The following COG6 variants were observed in gnomAD, a reference collection of about 807,000 sequenced individuals.
COG6 encodes the protein conserved oligomeric Golgi complex subunit 6.
In COG6, 74 loss-of-function variants were observed where a neutral mutation model predicts 88.8. The observed-to-expected ratio is 0.83, with a 90% CI of 0.69 to 1.01. The LOEUF (loss-of-function observed/expected upper bound fraction) is 1.01, where lower values mean the gene tolerates loss of function less well. Ranked by LOEUF, COG6 falls within the 50% of genes least tolerant of loss-of-function variation. The pLI, the probability that COG6 is intolerant of heterozygous loss-of-function variation, is 0.00. For synonymous variants in COG6, 286 were observed against 278.7 expected (o/e 1.03, Z -0.26); for missense variants, 800 against 797.9 (o/e 1.00, Z -0.03).
intron 1 of COG6, among the ~76,000 whole-genome samples, chr13:39,656,625 T>C (rs914482487): frequency 1.3e-5 from 2 of 152,084 alleles, no homozygotes; most frequent in East Asian, 3.9e-4. Flanking sequence ...ATGTCAAAGT[T>C]AGAGAGTTTT....
intron 18 of COG6, among the ~76,000 whole-genome samples, chr13:39,777,023 T>C (rs1881484044): frequency 6.6e-6 from 1 of 152,194 alleles, no homozygotes; most frequent in Non-Finnish European, 1.5e-5. Flanking sequence ...GAAGTAACAA[T>C]TGGTTCCATC....
At chr13:39,753,906 G>C (rs1880747456), downstream of COG6, among the ~76,000 whole-genome samples, 1 of 151,926 alleles carries the variant, frequency 6.6e-6, no homozygotes, top group African/African-American at 2.4e-5. Context: ...TTCTCATTCT[G>C]TCTTTAAAGT....
chr13:39,656,108 C>T, intron 1 of COG6: 1 of 678,118 alleles, frequency 1.5e-6, no homozygotes, highest in Non-Finnish European at 2.7e-6. Context: ...GTTCTCTCCA[C>T]CTGAAAAGGT....
chr13:39,769,372 T>C (rs1286560322), intron 18 of COG6, among the ~76,000 whole-genome samples: 1 of 152,228 alleles, frequency 6.6e-6, no homozygotes, highest in Non-Finnish European at 1.5e-5. Context: ...TACCATGTTC[T>C]GTGTCCCATG....
In COG6 at chr13:39,694,726, G is replaced by A. The variant is rs1453865021; in HGVS notation, c.1166+1G>A. Reference sequence around the variant, plus strand: ...TCAAATTTTATCACCATACAATCAGGTAAGTAGAATGGCAAAATGTGCTTG... The same window carrying A: ...TCAAATTTTATCACCATACAATCAGATAAGTAGAATGGCAAAATGTGCTTG... On this transcript the variant is annotated splice_donor_variant, in intron 12 of 18. Coordinates refer to ENST00000455146, the MANE Select transcript of COG6 (RefSeq NM_020751.3). LOFTEE classifies it high-confidence loss of function. 1.1e-5 allele frequency: 17 copies of A among 1,498,292 alleles called. No homozygotes were observed. Among genetic ancestry groups the A allele is most frequent in the Non-Finnish European group, 1.5e-5 (16 of 1,079,700 alleles). The allele number at this position is 1,498,292 out of a possible 1,614,324, so 92.8% of individuals were successfully genotyped here. A position where few individuals can be genotyped will look rare whatever the true frequency, so the allele number is the denominator to read the frequency against.
At chr13:39,738,745 A>G (rs1012080628) in intron 18 of COG6, among the ~76,000 whole-genome samples, 14 of 152,336 alleles carry the variant, frequency 9.2e-5, no homozygotes, top group Middle Eastern at 3.4e-3. Context: ...TGGAGTAGCT[A>G]TATTACTATA....
rs746938820 is a variant in COG6 at position 39,655,706 on chromosome 13, G to GA, written c.-21_-20insA. On this transcript the variant is annotated 5_prime_UTR_variant, in exon 1 of 19. Coordinates refer to ENST00000455146, the MANE Select transcript of COG6 (RefSeq NM_020751.3). ...TCCCTGCCTGGCTGAGGTGGCAGCA[G>GA]GGGGCGGGACGCGCAGCGCTATGGC... 15 of 1,486,116 alleles carry GA rather than the reference G, an allele frequency of 1.0e-5. No homozygotes were observed. Among genetic ancestry groups the GA allele is most frequent in the South Asian group, 3.6e-5 (3 of 83,852 alleles). 92.1% of individuals were successfully genotyped at this position (1,486,116 alleles called of 1,614,324 possible). A position where few individuals can be genotyped will look rare whatever the true frequency, so the allele number is the denominator to read the frequency against.
chr13:39,701,982 A>G (rs1000264954), intron 13 of COG6, among the ~76,000 whole-genome samples: 3 of 152,090 alleles, frequency 2.0e-5, no homozygotes, highest in Non-Finnish European at 4.4e-5. Context: ...TAGCAAGTCT[A>G]ATCAAGAAAA....
chr13:39,671,213 A>G (rs909620222), intron 4 of COG6, among the ~76,000 whole-genome samples: 1 of 152,008 alleles, frequency 6.6e-6, no homozygotes, highest in Middle Eastern at 3.2e-3. Context: ...GATTATGATC[A>G]TGCTGTAAGG....
intron 4 of COG6, among the ~76,000 whole-genome samples, chr13:39,673,167 C>T (rs1875753585): frequency 6.6e-6 from 1 of 151,996 alleles, no homozygotes; most frequent in Admixed American, 6.6e-5. Context: ...CAGCCATTTT[C>T]TCCCATTTTT....
At chr13:39,690,092 GA>G (rs869289087) in intron 11 of COG6, among the ~76,000 whole-genome samples, 2 of 82,840 alleles carry the variant, frequency 2.4e-5, no homozygotes, top group African/African-American at 4.0e-5. Context: ...ATTCAATTGA[GA>G]AAAAAATCTA....
chr13:39,767,290 C>T (rs1190384594), intron 18 of COG6, among the ~76,000 whole-genome samples: 2 of 152,112 alleles, frequency 1.3e-5, no homozygotes, highest in African/African-American at 4.8e-5. Context: ...TGGCTCCTTC[C>T]GGACTAAGTT....
chr13:39,744,655 A>C (rs1186144977), intron 18 of COG6, among the ~76,000 whole-genome samples: 1 of 152,238 alleles, frequency 6.6e-6, no homozygotes, highest in Non-Finnish European at 1.5e-5. Flanking sequence ...GGGAAGAATC[A>C]GTATTGTGAA....
chr13:39,665,984 A>G lies in COG6; in HGVS notation c.428+830A>G, dbSNP rs913495170. 4.6e-5 allele frequency among the ~76,000 whole-genome samples: 7 copies of G among 152,330 alleles called. No individual in the cohort carries two copies. In the East Asian group the frequency reaches 5.8e-4, roughly 13 times the overall value. The stretch of plus-strand genomic sequence containing the variant: ...GGAACACAGCTATGGTTGTGTTTAC[A>G]TACTGTCTATGGCTGCTTTTACCCT... On this transcript the variant is annotated intron_variant, in intron 4 of 18. Coordinates refer to ENST00000455146, the MANE Select transcript of COG6 (RefSeq NM_020751.3).
At chr13:39,750,281 A>G (rs1236253147) in intron 18 of COG6, among the ~76,000 whole-genome samples, 1 of 152,210 alleles carries the variant, frequency 6.6e-6, no homozygotes, top group East Asian at 1.9e-4. Flanking sequence ...TCATGGAACT[A>G]TGCAGAGAGT....
chr13:39,737,127 G>A (rs78794532), intron 18 of COG6, among the ~76,000 whole-genome samples: 2 of 152,142 alleles, frequency 1.3e-5, no homozygotes, highest in Non-Finnish European at 2.9e-5. Context: ...GGATTACCAG[G>A]TGTAGACTCT....
chr13:39,757,581 A>G (rs2138159017), downstream of COG6, among the ~76,000 whole-genome samples: 1 of 152,242 alleles, frequency 6.6e-6, no homozygotes. Flanking sequence ...TAAAAAAAAA[A>G]AGACTCAAAT....
chr13:39,777,927 C>T (rs554198954), intron 18 of COG6, among the ~76,000 whole-genome samples: 1 of 152,308 alleles, frequency 6.6e-6, no homozygotes, highest in Admixed American at 6.5e-5. Flanking sequence ...GAAACAAGAA[C>T]TACCCATTTA....
intron 5 of COG6, 76 bp downstream of exon 5, chr13:39,677,655 T>A: frequency 1.3e-6 from 1 of 775,680 alleles, no homozygotes; most frequent in South Asian, 1.8e-5. Context: ...TTTTTGAAGC[T>A]TTATTTTCCC....
Sources: allele counts gnomAD v4.1 joint callset (sites outside exome capture counted in the v4.1 genomes callset), GRCh38; gene constraint gnomAD v4.1.1; transcripts MANE v1.5; gene names NCBI Gene and HGNC (gene_info 2026-07-23, HGNC 2026-07-21).